The following F10 variants were observed in gnomAD, a reference collection of about 807,000 sequenced individuals.
F10 encodes the protein coagulation factor X, also known as Stuart-Prower factor.
In F10, 29 loss-of-function variants were observed where a neutral mutation model predicts 37.1. The ratio of observed to expected loss-of-function variants is 0.78; its 90% CI spans 0.58 to 1.07. The LOEUF (loss-of-function observed/expected upper bound fraction) is 1.07, where lower values mean the gene tolerates loss of function less well. Among genes scored for constraint, F10 ranks in the 50% least tolerant of loss-of-function variants. The pLI is 0.00. For missense variants in F10, 539 were observed against 667.9 expected, an observed-to-expected ratio of 0.81 and a Z score of 2.13; for synonymous variants, 262 against 268.6, an observed-to-expected ratio of 0.98 and a Z score of 0.24.
chr13:113,134,721 T>C (rs2036462728), intron 2 of F10, among the ~76,000 whole-genome samples: 1 of 152,238 alleles, frequency 6.6e-6, no homozygotes, highest in Non-Finnish European at 1.5e-5. Flanking sequence ...CATGTGTTAA[T>C]CACATTTTTA....
In F10 at chr13:113,138,456, G is replaced by C; in HGVS notation, c.232-1G>C. On this transcript the variant is annotated splice_acceptor_variant, in intron 2 of 7. Coordinates refer to ENST00000375559, the MANE Select transcript of F10 (RefSeq NM_000504.4). LOFTEE classifies it high-confidence loss of function. ...TTTTTAAATTTCTTTTTTCCTTTTA[G>C]AATGAATTCTGGAATAAATACAAAG... The C allele has an allele frequency of 7.6e-7, 1 of 1,315,806 alleles. No individual in the cohort carries two copies. The highest frequency in any genetic ancestry group is 1.2e-5 in the South Asian group (1 of 81,318). The allele number at this position is 1,315,806 out of a possible 1,614,324, so 81.5% of individuals were successfully genotyped here. A position where few individuals can be genotyped will look rare whatever the true frequency, so the allele number is the denominator to read the frequency against.
chr13:113,131,813 AACAAG>A (rs1392945235), intron 2 of F10: 2 of 152,314 alleles, frequency 1.3e-5, no homozygotes, highest in African/African-American at 4.8e-5. Flanking sequence ...GCTGTTGACA[AACAAG>A]ACAAGGCCAG....
chr13:113,123,205 G>C (rs541633020), intron 1 of F10, among the ~76,000 whole-genome samples: 7 of 152,276 alleles, frequency 4.6e-5, no homozygotes, highest in Non-Finnish European at 1.0e-4. Flanking sequence ...AGGAGAAACG[G>C]AGACACAGTG....
Position 113,129,547 on chromosome 13 carries a change from G to C in F10, c.166G>C (p.Glu56Gln). The change falls in exon 2 of 8, where the codon GAG (glutamate) becomes CAG (glutamine). Residue 56 changes from glutamate to glutamine, a missense_variant. By Grantham distance (29) the Glu-to-Gln change is conservative. Around this residue, in one of 2 missense-constraint regions of F10, gnomAD observed 130 missense variants for 120.0 expected, o/e 1.08. Coordinates refer to ENST00000375559, the MANE Select transcript of F10 (RefSeq NM_000504.4). The stretch of plus-strand genomic sequence containing the variant: ...GATGAAGAAAGGACACCTCGAAAGA[G>C]AGTGCATGGAAGAGACCTGCTCATA... ...EEMKKGHLERECMEETCSYEE... is the reference protein window; with the variant it reads ...EEMKKGHLERQCMEETCSYEE... 2 of 1,614,200 alleles carry C rather than the reference G, an allele frequency of 1.2e-6. No individual in the cohort carries two copies. Among genetic ancestry groups the C allele is most frequent in the East Asian group, 2.2e-5 (1 of 44,876 alleles).
chr13:113,138,163 A>G (rs1243927535), intron 2 of F10, among the ~76,000 whole-genome samples: 1 of 152,256 alleles, frequency 6.6e-6, no homozygotes, highest in East Asian at 1.9e-4. Flanking sequence ...GGGAGTAGCA[A>G]ACAGAGCAAG....
At chr13:113,126,924 G>C (rs1211515766) in intron 1 of F10, among the ~76,000 whole-genome samples, 1 of 152,256 alleles carries the variant, frequency 6.6e-6, no homozygotes, top group Non-Finnish European at 1.5e-5. Flanking sequence ...AGGTTGCAGG[G>C]AGCCACGTGT....
chr13:113,148,771 C>T (rs577596719), intron 7 of F10, 145 bp from the exon 8 acceptor site: 11 of 1,384,374 alleles, frequency 7.9e-6, no homozygotes, highest in Middle Eastern at 2.7e-4. Flanking sequence ...TGCTGCTTTG[C>T]ACTTCCCTCT....
chr13:113,125,866 T>G (rs1438739311), intron 1 of F10, among the ~76,000 whole-genome samples: 2 of 152,062 alleles, frequency 1.3e-5, no homozygotes, highest in African/African-American at 4.8e-5. Flanking sequence ...TGTCAGCATG[T>G]AATGTCAGAG....
rs1397311576 is a variant in F10, at chr13:113,149,335, G to A, written c.1285G>A (p.Asp429Asn). Residue 429 changes from aspartate to asparagine, a missense_variant, in exon 8 of 8, where the codon GAC becomes AAC. Physicochemically the swap from Asp to Asn is conservative, Grantham distance 23 (BLOSUM62 1). Coordinates refer to ENST00000375559, the MANE Select transcript of F10 (RefSeq NM_000504.4). The surrounding 1 kb of genome is among the most constrained non-coding windows in gnomAD (Gnocchi z 7.5). ...SGGPHVTRFK[D>N]TYFVTGIVSW... ...GGGCCCGCACGTCACCCGCTTCAAGGACACCTACTTCGTGACAGGCATCGT... is the reference window on the plus strand; with the variant it reads ...GGGCCCGCACGTCACCCGCTTCAAGAACACCTACTTCGTGACAGGCATCGT... 1 of 1,613,346 alleles carries A rather than the reference G, an allele frequency of 6.2e-7. No individual in the cohort carries two copies. Among genetic ancestry groups the A allele is most frequent in the Admixed American group, 1.7e-5 (1 of 60,026 alleles).
At chr13:113,129,297 T>C (rs890709924) in intron 1 of F10, among the ~76,000 whole-genome samples, 155 bp from the exon 2 acceptor site, 5 of 151,994 alleles carry the variant, frequency 3.3e-5, no homozygotes, top group Admixed American at 6.6e-5. Flanking sequence ...ACTCAGTGAG[T>C]TGGGGGCTTA....
rs2138544251 is a variant in F10 at position 113,141,262 on chromosome 13, A to G, written c.502+212A>G. ...TTGGAAACAGACCCATTATTTCTGT[A>G]AGCCAGATCTGCTGTTTAACCTCAG... On this transcript the variant is annotated intron_variant, in intron 5 of 7. Coordinates refer to ENST00000375559, the MANE Select transcript of F10 (RefSeq NM_000504.4). This position sits in a 1 kb window ranked among gnomAD's most constrained non-coding sequence, Gnocchi z 5.4. 6.6e-6 allele frequency among the ~76,000 whole-genome samples: 1 copy of G among 152,326 alleles called. No individual in the cohort carries two copies. The highest frequency in any genetic ancestry group is 2.1e-4 in the South Asian group (1 of 4,830).
chr13:113,145,705 C>T (rs370577036), intron 6 of F10, among the ~76,000 whole-genome samples: 27 of 152,280 alleles, frequency 1.8e-4, no homozygotes, highest in Admixed American at 7.2e-4. Context: ...GCGCAAGGCA[C>T]GTCTTACATG....
intron 2 of F10, among the ~76,000 whole-genome samples, chr13:113,134,549 C>T (rs2036461562): frequency 1.3e-5 from 2 of 152,120 alleles, no homozygotes; most frequent in East Asian, 1.9e-4. Flanking sequence ...GAGGAACCAC[C>T]CTCACGATTC....
chr13:113,139,321 C>T lies in F10; in HGVS notation c.257-36C>T. The T allele has an allele frequency of 6.4e-7, 1 of 1,560,692 alleles. No individual in the cohort carries two copies. The highest frequency in any genetic ancestry group is 8.8e-7 in the Non-Finnish European group (1 of 1,132,156). On this transcript the variant is annotated intron_variant, in intron 3 of 7. Coordinates refer to ENST00000375559, the MANE Select transcript of F10 (RefSeq NM_000504.4). The surrounding 1 kb of genome is among the most constrained non-coding windows in gnomAD (Gnocchi z 5.2). ...ACTGTTTCCATGATGCCGGAAACAG[C>T]TTGCAGACTCCAGTTTCGAAATCCT...
intron 4 of F10, chr13:113,140,409 G>C: frequency 2.4e-6 from 1 of 423,652 alleles, no homozygotes; most frequent in South Asian, 1.8e-5. Flanking sequence ...TGTGTTCTTA[G>C]ATTGGATTAC....
At chr13:113,134,324 G>A (rs763627134) in intron 2 of F10, among the ~76,000 whole-genome samples, 29 of 152,164 alleles carry the variant, frequency 1.9e-4, no homozygotes, top group Admixed American at 7.2e-4. Flanking sequence ...AGAACTACCC[G>A]AGACTGGGTA....
Position 113,141,385 on chromosome 13 carries a change from T to C in F10, c.502+335T>C, listed in dbSNP as rs1440234303. Among the ~76,000 whole-genome samples, 3 of 152,118 alleles carry C rather than the reference T, an allele frequency of 2.0e-5. No homozygotes were observed. Among genetic ancestry groups the C allele is most frequent in the Non-Finnish European group, 4.4e-5 (3 of 68,016 alleles). On this transcript the variant is annotated intron_variant, in intron 5 of 7. Transcript: ENST00000375559. This position sits in a 1 kb window ranked among gnomAD's most constrained non-coding sequence, Gnocchi z 5.4. Reference sequence around the variant, plus strand: ...TGCCTGGCCCACCGCAGGCCCTCAGTCTGCATTGGGACTGTGGGGGGATCC... The same window carrying C: ...TGCCTGGCCCACCGCAGGCCCTCAGCCTGCATTGGGACTGTGGGGGGATCC...
chr13:113,143,706 GCC>G lies in F10; in HGVS notation c.503-144_503-143del. The stretch of plus-strand genomic sequence containing the variant: ...ATCCGACCCCTGCCGACGACGTGGG[GCC>G]TCGCCCTGCAAGCCCGCTGCCCCTC... On this transcript the variant is annotated intron_variant, in intron 5 of 7. Transcript: ENST00000375559. The surrounding 1 kb of genome is among the most constrained non-coding windows in gnomAD (Gnocchi z 6.8). 57 of 1,223,090 alleles carry G rather than the reference GCC, an allele frequency of 4.7e-5. No homozygotes were observed. The highest frequency in any genetic ancestry group is 2.5e-4 in the Admixed American group (11 of 43,814). 75.8% of individuals were successfully genotyped at this position (1,223,090 alleles called of 1,614,324 possible).
chr13:113,133,031 G>T (rs1007523875), intron 2 of F10, among the ~76,000 whole-genome samples: 1 of 152,172 alleles, frequency 6.6e-6, no homozygotes, highest in Non-Finnish European at 1.5e-5. Flanking sequence ...GAGTAAGAAA[G>T]TATTTTGAGC....
Sources: gnomAD v4.1 joint callset for allele counts (sites outside exome capture counted in the v4.1 genomes callset) on GRCh38, gnomAD v4.1.1 for gene constraint, gnomAD v4.1.1 regional missense constraint, Gnocchi (gnomAD v3.1) non-coding constraint, MANE v1.5 for transcripts, NCBI Gene and HGNC (gene_info 2026-07-23, HGNC 2026-07-21) for gene names.